SACM1L: variants seen among roughly 807,000 people sequenced by gnomAD.
The protein encoded by SACM1L is SAC1 like phosphatidylinositide phosphatase.
In SACM1L, 32 loss-of-function variants were observed where a neutral mutation model predicts 89.5. The ratio of observed to expected loss-of-function variants is 0.36; its 90% confidence interval spans 0.27 to 0.48. SACM1L has a LOEUF of 0.48. Ranked by LOEUF, SACM1L falls within the 20% of genes least tolerant of loss-of-function variation. SACM1L has a pLI of 0.99. For missense variants in SACM1L, 543 were observed against 708.5 expected (o/e 0.77, Z 2.65); for synonymous variants, 213 against 232.8 (o/e 0.92, Z 0.77).
chr3:45,731,386 T>G lies in SACM1L; in HGVS notation c.1001+6T>G. 11 of 1,596,770 alleles carry G rather than the reference T, an allele frequency of 6.9e-6. No individual in the cohort carries two copies. The highest frequency in any genetic ancestry group is 9.4e-6 in the Non-Finnish European group (11 of 1,165,060). On this transcript the variant is annotated splice_donor_region_variant and intron_variant, in intron 12 of 19. Coordinates refer to ENST00000389061, the MANE Select transcript of SACM1L (RefSeq NM_014016.5). ...TTGGGAAGTGGAATGATGAGGTACC[T>G]CACTAGAAATCTGTTGCAGGTCTTT...
At chr3:45,724,702 A>G (rs1404623828) in intron 11 of SACM1L, among the ~76,000 whole-genome samples, 2 of 152,082 alleles carry the variant, frequency 1.3e-5, no homozygotes, top group African/African-American at 4.8e-5. Context: ...AGAAATTGTC[A>G]CCAAATCCAA....
intron 1 of SACM1L, among the ~76,000 whole-genome samples, chr3:45,699,428 A>G (rs1698210343): frequency 1.3e-5 from 2 of 150,866 alleles, no homozygotes; most frequent in South Asian, 4.1e-4. Flanking sequence ...ACATTTCTTT[A>G]TAAAAATGTT....
chr3:45,697,538 A>G (rs2125681907), intron 1 of SACM1L, among the ~76,000 whole-genome samples: 1 of 152,134 alleles, frequency 6.6e-6, no homozygotes, highest in South Asian at 2.1e-4. Context: ...CAGCCTCCCA[A>G]AGTGCTAGGA....
intron 8 of SACM1L, 27 bp downstream of exon 8, chr3:45,719,628 A>G (rs759510611): frequency 7.8e-7 from 1 of 1,274,676 alleles, no homozygotes; most frequent in Admixed American, 2.0e-5. Flanking sequence ...CATGGGTCAT[A>G]TCTGTAATTA....
At chr3:45,715,729 G>T (rs557813067) in intron 7 of SACM1L, among the ~76,000 whole-genome samples, 1 of 150,878 alleles carries the variant, frequency 6.6e-6, no homozygotes, top group African/African-American at 2.4e-5. Flanking sequence ...AGCCGAGATC[G>T]TGCCACTGCA....
intron 1 of SACM1L, chr3:45,690,493 G>T (rs1416755114): frequency 6.6e-6 from 1 of 152,238 alleles, no homozygotes; most frequent in Non-Finnish European, 1.5e-5. Flanking sequence ...GCAGGGAAAT[G>T]ACACCAAAAT....
intron 1 of SACM1L, among the ~76,000 whole-genome samples, chr3:45,698,804 G>T (rs1300982104): frequency 6.6e-6 from 1 of 151,648 alleles, no homozygotes; most frequent in African/African-American, 2.4e-5. Context: ...GTCTTGCTCT[G>T]TCACCAGCCT....
At position 45,743,896 on chromosome 3, in the gene SACM1L, T is replaced by A. The variant is rs1239543726; in HGVS notation, c.*227T>A. 7.9e-6 allele frequency: 3 copies of A among 378,522 alleles called. No homozygotes were observed. The highest frequency in any genetic ancestry group is 1.4e-5 in the Non-Finnish European group (3 of 214,932). The allele number at this position is 378,522 out of a possible 1,614,324, so 23.4% of individuals were successfully genotyped here. A position where few individuals can be genotyped will look rare whatever the true frequency, so the allele number is the denominator to read the frequency against. The stretch of plus-strand genomic sequence containing the variant: ...TTATAATTTGAAGCTATTCTGTAAT[T>A]AAAATATAACCTGAATTCAGCTTGC... On this transcript the variant is annotated 3_prime_UTR_variant, in exon 20 of 20. Transcript: ENST00000389061.
Position 45,738,627 on chromosome 3 carries a change from A to G in SACM1L, c.1432A>G (p.Met478Val), listed in dbSNP as rs141066160. The G allele has an allele frequency of 6.8e-5, 110 of 1,613,094 alleles. No individual in the cohort carries two copies. The highest frequency in any genetic ancestry group is 8.5e-5 in the Non-Finnish European group (100 of 1,179,260). ...ACTTATAATGGATGGCTGGAACTCAATGATACGATATTATAAGAACAACTT... is the reference window on the plus strand; with the variant it reads ...ACTTATAATGGATGGCTGGAACTCAGTGATACGATATTATAAGAACAACTT... ...LGLIMDGWNS[M>V]IRYYKNNFSD... is the part of the protein sequence containing the mutation. The change falls in exon 17 of 20, where the codon ATG becomes GTG. Residue 478 changes from methionine to valine, a missense_variant. By Grantham distance (21) the Met-to-Val change is conservative. Coordinates refer to ENST00000389061, the MANE Select transcript of SACM1L (RefSeq NM_014016.5).
chr3:45,700,239 G>T (rs59634675), intron 1 of SACM1L, among the ~76,000 whole-genome samples: 22 of 152,282 alleles, frequency 1.4e-4, no homozygotes, highest in African/African-American at 5.3e-4. Flanking sequence ...GTTAAAAATA[G>T]CATTAGTTAT....
At chr3:45,713,677 G>A (rs2125692251) in intron 6 of SACM1L, 1 of 166,776 alleles carries the variant, frequency 6.0e-6, no homozygotes, top group Non-Finnish European at 1.3e-5. Context: ...GTAAATAGAT[G>A]TGTCTAATTG....
chr3:45,713,280 C>T, intron 6 of SACM1L, 84 bp downstream of exon 6: 1 of 1,040,208 alleles, frequency 9.6e-7, no homozygotes, highest in Non-Finnish European at 1.4e-6. Flanking sequence ...TTCCTAATCA[C>T]CAAGAATTTC....
At chr3:45,738,951 A>G (rs2125706843) in intron 18 of SACM1L, 78 bp downstream of exon 18, 3 of 855,632 alleles carry the variant, frequency 3.5e-6, no homozygotes, top group Middle Eastern at 3.5e-4. Flanking sequence ...TCTCAATTTA[A>G]AACGTTATAT....
chr3:45,726,279 C>G (rs962489628), intron 11 of SACM1L, among the ~76,000 whole-genome samples: 1 of 151,672 alleles, frequency 6.6e-6, no homozygotes, highest in South Asian at 2.1e-4. Flanking sequence ...TGTTAATTCT[C>G]TAAATTTTGG....
chr3:45,707,042 C>T (rs1289179207), intron 4 of SACM1L, 135 bp downstream of exon 4: 2 of 664,252 alleles, frequency 3.0e-6, no homozygotes, highest in Non-Finnish European at 4.8e-6. Context: ...ATCACTCTAC[C>T]TACTTTTCTA....
chr3:45,738,445 G>C, intron 16 of SACM1L, 133 bp from the exon 17 acceptor site: 1 of 599,570 alleles, frequency 1.7e-6, no homozygotes, highest in Non-Finnish European at 3.0e-6. Context: ...CTTTTGTGAA[G>C]TATCTGTATT....
intron 11 of SACM1L, among the ~76,000 whole-genome samples, chr3:45,724,307 G>GTGTGT (rs1553653991): frequency 6.6e-6 from 1 of 150,820 alleles, no homozygotes; most frequent in Non-Finnish European, 1.5e-5. Flanking sequence ...TGGTGTGTGT[G>GTGTGT]TGTGTGTGTG....
chr3:45,712,486 T>G (rs1400296575), intron 5 of SACM1L, among the ~76,000 whole-genome samples: 3 of 152,208 alleles, frequency 2.0e-5, no homozygotes, highest in African/African-American at 7.2e-5. Flanking sequence ...TCCGCCTGCC[T>G]TGGCCTCTCA....
intron 1 of SACM1L, among the ~76,000 whole-genome samples, chr3:45,698,738 A>G (rs908257138): frequency 1.3e-5 from 2 of 151,782 alleles, no homozygotes; most frequent in Non-Finnish European, 2.9e-5. Flanking sequence ...TTTAGTAGAG[A>G]TAGGGTTTCA....
Sources: allele counts gnomAD v4.1 joint callset (sites outside exome capture counted in the v4.1 genomes callset), GRCh38; gene constraint gnomAD v4.1.1; transcripts MANE v1.5; gene names NCBI Gene and HGNC (gene_info 2026-07-23, HGNC 2026-07-21).